TANC2: variants seen among roughly 807,000 people sequenced by gnomAD.
TANC2 encodes protein TANC2.
Under a neutral mutation model 210.5 loss-of-function variants are expected in TANC2, and 26 were observed. The observed-to-expected ratio is 0.12, with a 90% CI of 0.09 to 0.17. The LOEUF (loss-of-function observed/expected upper bound fraction) is 0.17, where lower values mean the gene tolerates loss of function less well. Among genes scored for constraint, TANC2 ranks in the 10% least tolerant of loss-of-function variants. The probability of loss-of-function intolerance (pLI) is 1.00; values close to 1 mark genes in which losing one functional copy is unlikely to be tolerated. For synonymous variants in TANC2, 931 were observed against 967.1 expected (o/e 0.96, Z 0.69); for missense variants, 2,129 against 2,608.9 (o/e 0.82, Z 4.01).
intron 11 of TANC2, among the ~76,000 whole-genome samples, chr17:63,325,162 C>T (rs2045608917): frequency 6.6e-6 from 1 of 151,690 alleles, no homozygotes; most frequent in Non-Finnish European, 1.5e-5. Flanking sequence ...ACCAGTAGCA[C>T]TCCCTCAACC....
intron 5 of TANC2, among the ~76,000 whole-genome samples, chr17:63,175,460 G>C (rs1003069505): frequency 8.8e-5 from 13 of 147,512 alleles, no homozygotes; most frequent in African/African-American, 3.3e-4. Context: ...CCAGTAGTTT[G>C]AGGCTGCAGT....
intron 9 of TANC2, among the ~76,000 whole-genome samples, chr17:63,285,279 A>G (rs2044186485): frequency 6.8e-6 from 1 of 146,428 alleles, no homozygotes; most frequent in Non-Finnish European, 1.5e-5. Flanking sequence ...CATTTATCCT[A>G]TCTATTCCTT....
chr17:63,180,748 G>C (rs2040752230), intron 5 of TANC2, among the ~76,000 whole-genome samples: 1 of 152,140 alleles, frequency 6.6e-6, no homozygotes, highest in Admixed American at 6.6e-5. Flanking sequence ...GCAAAGGCCT[G>C]GCATGGTGGC....
intron 14 of TANC2, among the ~76,000 whole-genome samples, chr17:63,379,064 T>C (rs1018482486): frequency 6.6e-6 from 1 of 152,136 alleles, no homozygotes; most frequent in African/African-American, 2.4e-5. Context: ...GAGGAAAGAA[T>C]AGGACCAAGA....
rs1043468417 is a variant in TANC2 at position 63,302,912 on chromosome 17, C to T, written c.1160-11476C>T. On this transcript the variant is annotated intron_variant, in intron 9 of 27. Coordinates refer to ENST00000689528, the Ensembl canonical transcript of TANC2. ...CCTAGTAGCTAGGATTACAGGCATG[C>T]GCCACCATGCCTGGCTAATTTTTGT... Among the ~76,000 whole-genome samples, 6 of 151,738 alleles carry T rather than the reference C, an allele frequency of 4.0e-5. No homozygotes were observed. The East Asian group carries it at 5.8e-4, about 15-fold the overall frequency.
At chr17:63,400,441 A>G (rs1176564540) in intron 19 of TANC2, among the ~76,000 whole-genome samples, 1 of 152,190 alleles carries the variant, frequency 6.6e-6, no homozygotes, top group Non-Finnish European at 1.5e-5. Flanking sequence ...TTTATTCCTT[A>G]AAGTATACAA....
chr17:62,972,112 G>A (rs1277183682), intron 1 of TANC2, among the ~76,000 whole-genome samples: 1 of 151,966 alleles, frequency 6.6e-6, no homozygotes, highest in African/African-American at 2.4e-5. Context: ...TTTCTAGAAG[G>A]GTCAAAGTAA....
At position 63,104,844 on chromosome 17, in the gene TANC2, A is replaced by G. The variant is rs377522975; in HGVS notation, c.322+5487A>G. On this transcript the variant is annotated intron_variant, in intron 4 of 27. Transcript: ENST00000689528. ...ACAAAATGAACCCTGTCATTTCCTG[A>G]CTCTGTAATCTCGCTCAAATTTGTT... 6.1e-5 allele frequency among the ~76,000 whole-genome samples: 9 copies of G among 148,012 alleles called. 1 individual carries two copies. Among genetic ancestry groups the G allele is most frequent in the African/African-American group, 2.1e-4 (8 of 37,580 alleles).
At chr17:63,373,489 T>G (rs548804977) in intron 14 of TANC2, among the ~76,000 whole-genome samples, 1 of 152,268 alleles carries the variant, frequency 6.6e-6, no homozygotes, top group South Asian at 2.1e-4. Flanking sequence ...TTGAACTAGA[T>G]TTCAGTGGAA....
chr17:63,051,605 G>A (rs1003263495), intron 2 of TANC2, among the ~76,000 whole-genome samples: 1 of 152,154 alleles, frequency 6.6e-6, no homozygotes, highest in Non-Finnish European at 1.5e-5. Flanking sequence ...AGCTATGTAT[G>A]TATAAATGGT....
chr17:63,001,940 C>T (rs994575190), intron 1 of TANC2, among the ~76,000 whole-genome samples: 5 of 152,134 alleles, frequency 3.3e-5, no homozygotes, highest in African/African-American at 1.2e-4. Flanking sequence ...TTAGCACTTC[C>T]TGTGTATCAA....
At chr17:63,415,339 G>A (rs558832930) in intron 25 of TANC2, among the ~76,000 whole-genome samples, 189 bp from the exon 26 acceptor site, 1 of 152,322 alleles carries the variant, frequency 6.6e-6, no homozygotes, top group East Asian at 1.9e-4. Context: ...TTCCTGCCAG[G>A]TGAGTTTCCT....
chr17:63,283,492 G>A (rs2044125413), intron 9 of TANC2, among the ~76,000 whole-genome samples: 1 of 151,660 alleles, frequency 6.6e-6, no homozygotes, highest in African/African-American at 2.4e-5. Flanking sequence ...AACTGCTAGA[G>A]TTTTTATGGA....
intron 15 of TANC2, among the ~76,000 whole-genome samples, chr17:63,384,307 A>AGCCG (rs930186677): frequency 3.9e-5 from 6 of 152,078 alleles, no homozygotes; most frequent in Non-Finnish European, 8.8e-5. Flanking sequence ...GCTAGTCTCA[A>AGCCG]GCCGTCCTCC....
At chr17:63,115,557 G>C (rs1271534774) in intron 4 of TANC2, among the ~76,000 whole-genome samples, 1 of 152,162 alleles carries the variant, frequency 6.6e-6, no homozygotes, top group Non-Finnish European at 1.5e-5. Context: ...CTAGCTACTT[G>C]TGAAAAGTAT....
At chr17:63,156,175 T>C (rs75663234) in intron 5 of TANC2, among the ~76,000 whole-genome samples, 1 of 152,190 alleles carries the variant, frequency 6.6e-6, no homozygotes, top group Admixed American at 6.5e-5. Context: ...TCCTCCTGTT[T>C]CATATCTTTT....
rs374882270 is a variant in TANC2 at position 63,110,280 on chromosome 17, G to A, written c.322+10923G>A. On this transcript the variant is annotated intron_variant, in intron 4 of 27. Transcript: ENST00000689528. Reference sequence around the variant, plus strand: ...CTTTTAGAATTCTGAAAGGTAAATTGTGTGGGTCTGGATTTTGATTATGTG... The same window carrying A: ...CTTTTAGAATTCTGAAAGGTAAATTATGTGGGTCTGGATTTTGATTATGTG... 3.3e-5 allele frequency among the ~76,000 whole-genome samples: 5 copies of A among 151,622 alleles called. No homozygotes were observed. The South Asian group carries it at 1.0e-3, about 31-fold the overall frequency.
intron 5 of TANC2, among the ~76,000 whole-genome samples, chr17:63,192,536 G>A (rs959822898): frequency 1.3e-5 from 2 of 152,170 alleles, no homozygotes; most frequent in African/African-American, 4.8e-5. Context: ...CTCACCATTT[G>A]TAATATTTCT....
chr17:63,073,591 G>A (rs1043383905), intron 2 of TANC2, among the ~76,000 whole-genome samples: 1 of 152,106 alleles, frequency 6.6e-6, no homozygotes, highest in Non-Finnish European at 1.5e-5. Flanking sequence ...AAAAGCAGCT[G>A]TAATTAATTT....
Sources: allele counts gnomAD v4.1 joint callset (sites outside exome capture counted in the v4.1 genomes callset), GRCh38; gene constraint gnomAD v4.1.1; transcripts MANE v1.5; gene names NCBI Gene and HGNC (gene_info 2026-07-23, HGNC 2026-07-21).